The following MIER1 variants were observed in gnomAD, a reference collection of about 807,000 sequenced individuals.
MIER1 encodes MIER1 transcriptional regulator, also known as mesoderm induction early response protein 1.
Under a neutral mutation model 75.7 loss-of-function variants are expected in MIER1, and 40 were observed. That is an observed-to-expected ratio of 0.53 (90% CI 0.41 to 0.69). The LOEUF is 0.69. Among genes scored for constraint, MIER1 ranks in the 30% least tolerant of loss-of-function variants. The pLI is 0.00. For missense variants in MIER1, 574 were observed against 680.2 expected, an observed-to-expected ratio of 0.84 and a Z score of 1.74; for synonymous variants, 213 against 223.4, an observed-to-expected ratio of 0.95 and a Z score of 0.42.
intron 11 of MIER1, among the ~76,000 whole-genome samples, chr1:66,975,971 C>G (rs985512560): frequency 6.7e-6 from 1 of 149,884 alleles, no homozygotes; most frequent in Non-Finnish European, 1.5e-5. Context: ...AACATGAATG[C>G]CACTTCCAGG....
chr1:66,933,123 T>A (rs578255494), intron 2 of MIER1, among the ~76,000 whole-genome samples: 55 of 152,136 alleles, frequency 3.6e-4, no homozygotes, highest in Non-Finnish European at 6.8e-4. Context: ...TCCCTTAAAA[T>A]TATTTACCAA....
chr1:66,988,413 A>T lies in MIER1; in HGVS notation c.*3513A>T, dbSNP rs994187654. On this transcript the variant is annotated 3_prime_UTR_variant, in exon 14 of 14. Transcript: ENST00000401041. ...ATCCACCCACTTACAGACTGATTTC[A>T]TGTATCTGAATATCTGATTAACCTT... 1 of 152,038 alleles carries T rather than the reference A, an allele frequency of 6.6e-6. No homozygotes were observed. The allele number at this position is 152,038 out of a possible 1,614,324, so 9.4% of individuals were successfully genotyped here. A position where few individuals can be genotyped will look rare whatever the true frequency, so the allele number is the denominator to read the frequency against.
intron 4 of MIER1, among the ~76,000 whole-genome samples, chr1:66,955,336 G>GGT (rs1553249058): frequency 5.0e-5 from 3 of 59,966 alleles, no homozygotes; most frequent in East Asian, 1.1e-3. Context: ...CATCACCTGA[G>GGT]TTTTTTTTTT....
chr1:66,937,020 AG>A lies in MIER1; in HGVS notation c.169-3007del, dbSNP rs1220513272. The stretch of plus-strand genomic sequence containing the variant: ...TCTCAAAAAAAAAAAAAAAAAAAAA[AG>A]AGAAAAAGAAAAAAGTGAGGGTGAA... On this transcript the variant is annotated intron_variant, in intron 2 of 13. Transcript: ENST00000401041. 1.9e-3 allele frequency among the ~76,000 whole-genome samples: 273 copies of A among 143,356 alleles called. 2 individuals are homozygous for A. The highest frequency in any genetic ancestry group is 6.9e-3 in the African/African-American group (263 of 38,314). 94.0% of individuals were successfully genotyped at this position (143,356 alleles called of 152,430 possible).
chr1:66,946,787 A>G, intron 4 of MIER1: 3 of 985,226 alleles, frequency 3.0e-6, no homozygotes, highest in Non-Finnish European at 3.6e-6. Context: ...ATCCATTTTT[A>G]TATTCACTTT....
At chr1:66,948,036 C>T in intron 4 of MIER1, 1 of 977,828 alleles carries the variant, frequency 1.0e-6, no homozygotes, top group South Asian at 4.7e-5. Flanking sequence ...GTCCCCTATT[C>T]AATGCTTTCT....
intron 7 of MIER1, chr1:66,959,978 G>A (rs1240477413): frequency 4.1e-6 from 1 of 241,880 alleles, no homozygotes; most frequent in East Asian, 7.9e-5. Flanking sequence ...CCAGCACTTG[G>A]GAGGCTGAGG....
In MIER1 at chr1:66,986,407, A is replaced by G; in HGVS notation, c.*1507A>G. Reference sequence around the variant, plus strand: ...ATTCTTGTTTTTCTCACACAGGCATACTCCAAATGCTTCTTCCAGTTCATT... The same window carrying G: ...ATTCTTGTTTTTCTCACACAGGCATGCTCCAAATGCTTCTTCCAGTTCATT... On this transcript the variant is annotated 3_prime_UTR_variant, in exon 14 of 14. Transcript: ENST00000401041. The G allele has an allele frequency of 6.2e-7, 1 of 1,612,886 alleles. No individual in the cohort carries two copies. The highest frequency in any genetic ancestry group is 8.5e-7 in the Non-Finnish European group (1 of 1,179,266).
chr1:66,956,288 G>A (rs917285822), intron 4 of MIER1, among the ~76,000 whole-genome samples: 2 of 152,144 alleles, frequency 1.3e-5, no homozygotes, highest in African/African-American at 4.8e-5. Flanking sequence ...AGGCATGGTG[G>A]TGCACATGTA....
Position 66,940,227 on chromosome 1 carries a change from G to C in MIER1, c.193+175G>C, listed in dbSNP as rs1655862425. On this transcript the variant is annotated intron_variant, in intron 3 of 13. Coordinates refer to ENST00000401041, the MANE Select transcript of MIER1 (RefSeq NM_001077700.3). ...TGACTGCCCATGAAAGTACAGGTGA[G>C]GCTACTGTGATTTCATCCTAAAAAT... 7.0e-6 allele frequency: 3 copies of C among 430,308 alleles called. No homozygotes were observed. In the Admixed American group the frequency reaches 1.3e-4, roughly 19 times the overall value. The allele number at this position is 430,308 out of a possible 1,614,324, so 26.7% of individuals were successfully genotyped here.
At chr1:66,930,441 G>C in intron 2 of MIER1, 1 of 1,599,994 alleles carries the variant, frequency 6.3e-7, no homozygotes, top group Admixed American at 1.7e-5. Context: ...GGAGCCGGGC[G>C]CCCCCGGCCC....
At chr1:66,974,341 A>T (rs970553097) in intron 11 of MIER1, among the ~76,000 whole-genome samples, 6 of 152,002 alleles carry the variant, frequency 3.9e-5, no homozygotes, top group South Asian at 2.1e-4. Context: ...GGAGTGCATT[A>T]TGTGACTGGC....
intron 2 of MIER1, among the ~76,000 whole-genome samples, chr1:66,935,510 C>T (rs1385408143): frequency 6.6e-6 from 1 of 152,066 alleles, no homozygotes; most frequent in African/African-American, 2.4e-5. Context: ...ACTAGGTTTT[C>T]TTAAAAATCA....
At chr1:66,957,024 CT>C (rs1406540397) in intron 4 of MIER1, among the ~76,000 whole-genome samples, 3 of 151,982 alleles carry the variant, frequency 2.0e-5, no homozygotes, top group Non-Finnish European at 2.9e-5. Context: ...CATGATTACC[CT>C]TTTTTTTCTA....
At chr1:66,971,548 G>T in intron 9 of MIER1, 107 bp from the exon 10 acceptor site, 1 of 613,480 alleles carries the variant, frequency 1.6e-6, no homozygotes, top group East Asian at 3.0e-5. Context: ...AAAGTTATTT[G>T]CCCTCAAAAA....
In MIER1 at chr1:66,925,049, CGGTGGCGGCAGCAGCGAA is replaced by C. The variant is rs750309531; in HGVS notation, c.31_48del (p.Ser11_Gly16del). The C allele has an allele frequency of 7.3e-5, 113 of 1,549,304 alleles. 1 individual carries two copies. The highest frequency in any genetic ancestry group is 3.7e-4 in the South Asian group (31 of 84,234). ...GGCGGATGGATGGGGCTTCTTCAGG[CGGTGGCGGCAGCAGCGAA>C]GGTGGCGGCGGCAGCAGCGGCAGCG... On this transcript the variant is annotated inframe_deletion, in exon 1 of 14. Coordinates refer to ENST00000401041, the MANE Select transcript of MIER1 (RefSeq NM_001077700.3).
intron 1 of MIER1, chr1:66,925,511 C>G: frequency 1.0e-6 from 1 of 985,472 alleles, no homozygotes; most frequent in South Asian, 4.7e-5. Flanking sequence ...CCGGGAGGCT[C>G]TCGCTTGCAC....
intron 4 of MIER1, among the ~76,000 whole-genome samples, chr1:66,952,122 A>G (rs1488195031): frequency 1.3e-5 from 2 of 152,220 alleles, no homozygotes; most frequent in African/African-American, 4.8e-5. Context: ...CTGACCTATA[A>G]CTGAAAATGT....
chr1:66,940,178 G>A, intron 3 of MIER1, 126 bp downstream of exon 3: 1 of 625,496 alleles, frequency 1.6e-6, no homozygotes, highest in Non-Finnish European at 2.7e-6. Context: ...TTTTCTCTGG[G>A]GAAAAAGAAA....
Sources: allele counts gnomAD v4.1 joint callset (sites outside exome capture counted in the v4.1 genomes callset), GRCh38; gene constraint gnomAD v4.1.1; transcripts MANE v1.5; gene names NCBI Gene and HGNC (gene_info 2026-07-23, HGNC 2026-07-21).